Variants in HERC1 observed in about 807,000 individuals in gnomAD.
The protein encoded by HERC1 is probable E3 ubiquitin-protein ligase HERC1.
In HERC1, 160 loss-of-function variants were observed where a neutral mutation model predicts 554.3. The ratio of observed to expected loss-of-function variants is 0.29; its 90% CI spans 0.25 to 0.33. The LOEUF (loss-of-function observed/expected upper bound fraction) is 0.33. Ranked by LOEUF, HERC1 falls within the 10% of genes least tolerant of loss-of-function variation. The pLI is 1.00. For synonymous variants in HERC1, 2,175 were observed against 2,131.7 expected (o/e 1.02, Z -0.56); for missense variants, 4,919 against 5,918.5 (o/e 0.83, Z 5.54).
In HERC1 at chr15:63,811,334, A is replaced by T. The variant is rs569532118; in HGVS notation, c.-27+22493T>A. Among the ~76,000 whole-genome samples the T allele has an allele frequency of 4.6e-5, 7 of 152,366 alleles. No homozygotes were observed. In the East Asian group the frequency reaches 1.3e-3, roughly 29 times the overall value. On this transcript the variant is annotated intron_variant, in intron 1 of 77. Transcript: ENST00000443617. ...ACTACAAATTAGTCTCACTTAAAGC[A>T]AAATGTATGCATGTTTAGAGGGGAG...
At chr15:63,746,051 G>C (rs142468926) in intron 12 of HERC1, among the ~76,000 whole-genome samples, 214 of 151,680 alleles carry the variant, frequency 1.4e-3, no homozygotes, top group African/African-American at 4.9e-3. Flanking sequence ...ATCTACATTA[G>C]TTCCTTTTTT....
intron 1 of HERC1, among the ~76,000 whole-genome samples, chr15:63,787,494 T>TA (rs1196425154): frequency 6.6e-6 from 1 of 152,138 alleles, no homozygotes; most frequent in Non-Finnish European, 1.5e-5. Context: ...ATCTGGCAGA[T>TA]AATGCTTCCC....
At chr15:63,638,617 C>G in intron 62 of HERC1, 81 bp from the exon 63 acceptor site, 1 of 1,594,410 alleles carries the variant, frequency 6.3e-7, no homozygotes, top group East Asian at 2.2e-5. Flanking sequence ...TGTGTGCCAG[C>G]CTGTATGGGA....
intron 70 of HERC1, 34 bp downstream of exon 70, chr15:63,628,643 A>C: frequency 1.3e-6 from 2 of 1,577,036 alleles, no homozygotes; most frequent in Admixed American, 3.8e-5. Flanking sequence ...CTAAAAAAGA[A>C]ACGCTGCAGG....
chr15:63,666,917 T>C (rs1024464919), intron 40 of HERC1, among the ~76,000 whole-genome samples: 1 of 152,184 alleles, frequency 6.6e-6, no homozygotes, highest in African/African-American at 2.4e-5. Context: ...GAAAAACAAG[T>C]GTCCTTTTCA....
intron 13 of HERC1, 33 bp from the exon 14 acceptor site, chr15:63,733,178 G>T (rs372453196): frequency 2.0e-4 from 277 of 1,371,396 alleles, no homozygotes; most frequent in Non-Finnish European, 2.6e-4. Context: ...CAAGTAACTA[G>T]CGTAATATGC....
chr15:63,802,287 A>C (rs1224877195), intron 1 of HERC1, among the ~76,000 whole-genome samples: 1 of 152,194 alleles, frequency 6.6e-6, no homozygotes, highest in Non-Finnish European at 1.5e-5. Flanking sequence ...AAAAAGAAAA[A>C]ACTTTTTCGT....
rs760456325 is a variant in HERC1 at position 63,665,992 on chromosome 15, G to A, written c.8482C>T (p.Pro2828Ser). Residue 2828 changes from proline (P) to serine (S), a missense_variant, in exon 42 of 78, where the codon CCC (proline) becomes TCC (serine). This residue lies in a region of HERC1 where 1,963 missense variants were observed against 2,228.6 expected (regional missense o/e 0.88). Coordinates refer to ENST00000443617, the MANE Select transcript of HERC1 (RefSeq NM_003922.4). ...VLGSGGKSNDPCYLQSPGDIP... is the reference protein window; with the variant it reads ...VLGSGGKSNDSCYLQSPGDIP... ...TCTCCAGGTGACTGCAAATAACAGG[G>A]ATCATTTGACTTCCCGCCACTGCCT... 2 of 1,614,026 alleles carry A rather than the reference G, an allele frequency of 1.2e-6. No homozygotes were observed. Among genetic ancestry groups the A allele is most frequent in the African/African-American group, 1.3e-5 (1 of 75,058 alleles).
At chr15:63,748,017 G>T (rs187931566) in intron 10 of HERC1, among the ~76,000 whole-genome samples, 159 bp from the exon 11 acceptor site, 3 of 152,252 alleles carry the variant, frequency 2.0e-5, no homozygotes, top group Non-Finnish European at 4.4e-5. Flanking sequence ...CCTGAGGTGA[G>T]GAGTTCAAGA....
At chr15:63,809,390 T>C (rs891238944) in intron 1 of HERC1, among the ~76,000 whole-genome samples, 5 of 152,236 alleles carry the variant, frequency 3.3e-5, no homozygotes, top group Non-Finnish European at 7.3e-5. Context: ...GATTTATCCA[T>C]AGTAAATTCC....
chr15:63,685,587 T>TA (rs2071711493), intron 34 of HERC1, among the ~76,000 whole-genome samples: 1 of 152,236 alleles, frequency 6.6e-6, no homozygotes, highest in Non-Finnish European at 1.5e-5. Context: ...ACCTGTTGGT[T>TA]AATGAGATCT....
rs199544390 is a variant in HERC1, at chr15:63,626,109, G to C, written c.13151C>G (p.Pro4384Arg). The C allele has an allele frequency of 1.9e-6, 3 of 1,613,726 alleles. No homozygotes were observed. Among genetic ancestry groups the C allele is most frequent in the Admixed American group, 1.7e-5 (1 of 59,980 alleles). Residue 4384 changes from proline (P) to arginine (R), a missense_variant, in exon 71 of 78, where the codon CCC (proline) becomes CGC (arginine). By Grantham distance (103) the Pro-to-Arg change is moderately radical. Transcript: ENST00000443617. ...LQLGLPDTVP[P>R]QYGALREVSI... ...GACTTCTCTCAGCGCCCCATACTGG[G>C]GGGGCACTGTGTCAGGCAGGCCCAG...
At chr15:63,787,400 A>T (rs1038534682) in intron 1 of HERC1, among the ~76,000 whole-genome samples, 1 of 148,760 alleles carries the variant, frequency 6.7e-6, no homozygotes, top group African/African-American at 2.5e-5. Context: ...CAGGTGATCC[A>T]CCTGCCTCAG....
chr15:63,824,270 A>C lies in HERC1; in HGVS notation c.-27+9557T>G, dbSNP rs561206107. ...TAAAAAGGGCTGGGCGCAGTTGCTC[A>C]CGCCTATAATCCCAGCACTTTGGGA... On this transcript the variant is annotated intron_variant, in intron 1 of 77. Coordinates refer to ENST00000443617, the MANE Select transcript of HERC1 (RefSeq NM_003922.4). Among the ~76,000 whole-genome samples, 112 of 152,312 alleles carry C rather than the reference A, an allele frequency of 7.4e-4. 1 individual carries two copies. Among genetic ancestry groups the C allele is most frequent in the Non-Finnish European group, 1.2e-3 (81 of 68,018 alleles).
rs7174224 is a variant in HERC1 at position 63,699,490 on chromosome 15, A to T, written c.4637-494T>A. Among the ~76,000 whole-genome samples the T allele has an allele frequency of 2.3e-3, 346 of 152,354 alleles. 4 individuals are homozygous for T. The highest frequency in any genetic ancestry group is 8.0e-3 in the African/African-American group (333 of 41,576). ...ATCTGCAATGAAACATTACCAAAAA[A>T]TGAATATAGAAGGGCAAGTAAACTT... On this transcript the variant is annotated intron_variant, in intron 25 of 77. Coordinates refer to ENST00000443617, the MANE Select transcript of HERC1 (RefSeq NM_003922.4).
intron 24 of HERC1, 121 bp downstream of exon 24, chr15:63,712,654 G>A: frequency 1.3e-6 from 1 of 768,266 alleles, no homozygotes; most frequent in Admixed American, 3.2e-5. Flanking sequence ...TTCTCTTAAA[G>A]TTATTTTTGA....
chr15:63,725,260 T>A lies in HERC1; in HGVS notation c.3568+32A>T, dbSNP rs200067991. The A allele has an allele frequency of 4.5e-6, 7 of 1,570,716 alleles. No homozygotes were observed. In the African/African-American group the frequency reaches 8.1e-5, roughly 18 times the overall value. On this transcript the variant is annotated intron_variant, in intron 18 of 77. Coordinates refer to ENST00000443617, the MANE Select transcript of HERC1 (RefSeq NM_003922.4). ...TCTCCAACTGAGGTACAAACAGGCA[T>A]GTATTTTAAATGCTGCAGAGAAGCA...
intron 14 of HERC1, among the ~76,000 whole-genome samples, chr15:63,731,725 AG>A (rs774683474): frequency 6.6e-6 from 1 of 152,226 alleles, no homozygotes; most frequent in Non-Finnish European, 1.5e-5. Context: ...GAAGAGCCAC[AG>A]GAAACAATAT....
chr15:63,696,485 TTAC>T (rs2072422184), intron 26 of HERC1, 146 bp from the exon 27 acceptor site: 1 of 609,828 alleles, frequency 1.6e-6, no homozygotes, highest in Non-Finnish European at 2.8e-6. Context: ...TTTATTATTA[TTAC>T]TTTTTTTGAA....
Sources: allele counts gnomAD v4.1 joint callset (sites outside exome capture counted in the v4.1 genomes callset), GRCh38; gene constraint gnomAD v4.1.1; regional missense constraint gnomAD v4.1.1; transcripts MANE v1.5; gene names NCBI Gene and HGNC (gene_info 2026-07-23, HGNC 2026-07-21).